EMC7: variants seen among roughly 807,000 people sequenced by gnomAD.
EMC7 encodes ER membrane protein complex subunit 7.
Under a neutral mutation model 24.4 loss-of-function variants are expected in EMC7, and 4 were observed. The ratio of observed to expected loss-of-function variants is 0.16; its 90% CI spans 0.08 to 0.38. The LOEUF (loss-of-function observed/expected upper bound fraction) is 0.38. Among genes scored for constraint, EMC7 ranks in the 10% least tolerant of loss-of-function variants. The pLI, the probability that EMC7 is intolerant of heterozygous loss-of-function variation, is 1.00. For synonymous variants in EMC7, 106 were observed against 112.0 expected (o/e 0.95, Z 0.34); for missense variants, 221 against 300.6 (o/e 0.74, Z 1.96).
chr15:34,093,235 C>T (rs886835249), intron 2 of EMC7, among the ~76,000 whole-genome samples: 12 of 152,028 alleles, frequency 7.9e-5, no homozygotes, highest in African/African-American at 2.7e-4. Flanking sequence ...GTCAAGAGAT[C>T]GAAACCATCC....
intron 1 of EMC7, among the ~76,000 whole-genome samples, chr15:34,099,098 G>A (rs868646582): frequency 8.1e-5 from 9 of 111,640 alleles, no homozygotes; most frequent in Middle Eastern, 4.1e-3. Flanking sequence ...AATCAATAAT[G>A]GTAATGTGGT....
intron 3 of EMC7, 71 bp from the exon 4 acceptor site, chr15:34,088,204 A>G: frequency 7.9e-7 from 1 of 1,261,354 alleles, no homozygotes; most frequent in East Asian, 2.4e-5. Flanking sequence ...ACTGCACTTA[A>G]CAACCAATGG....
At chr15:34,099,961 C>T (rs1430523331) in intron 1 of EMC7, among the ~76,000 whole-genome samples, 1 of 152,104 alleles carries the variant, frequency 6.6e-6, no homozygotes, top group African/African-American at 2.4e-5. Flanking sequence ...AAAAGCTGTT[C>T]AAAAATATTA....
At chr15:34,095,780 T>C (rs1901054897) in intron 2 of EMC7, 115 bp downstream of exon 2, 6 of 981,676 alleles carry the variant, frequency 6.1e-6, no homozygotes, top group South Asian at 2.9e-5. Context: ...TTTTAAGGAA[T>C]AGCTGTAGTT....
Position 34,095,931 on chromosome 15 carries a change from G to A in EMC7, c.320C>T (p.Pro107Leu), listed in dbSNP as rs1348414728. ...EVVSPAYRFD[P>L]VRVDITSKGK... ...TTTCGAAGTGATATCCACTCGAACGGGATCAAATCTGTAAGCTGGAGATAC... is the reference window on the plus strand; with the variant it reads ...TTTCGAAGTGATATCCACTCGAACGAGATCAAATCTGTAAGCTGGAGATAC... Residue 107 changes from proline (P) to leucine (L), a missense_variant, in exon 2 of 5, where the codon CCC becomes CTC. Physicochemically the swap from Pro to Leu is moderately conservative, Grantham distance 98. Transcript: ENST00000256545. The A allele has an allele frequency of 2.5e-6, 4 of 1,609,852 alleles. No homozygotes were observed. Among genetic ancestry groups the A allele is most frequent in the African/African-American group, 1.3e-5 (1 of 74,866 alleles).
chr15:34,087,532 G>A (rs1490332478), intron 4 of EMC7, among the ~76,000 whole-genome samples: 1 of 152,122 alleles, frequency 6.6e-6, no homozygotes, highest in African/African-American at 2.4e-5. Context: ...AGAGAGTTTT[G>A]TAAAGTAAAG....
At chr15:34,087,370 C>T (rs1442520493) in intron 4 of EMC7, among the ~76,000 whole-genome samples, 2 of 152,140 alleles carry the variant, frequency 1.3e-5, no homozygotes, top group African/African-American at 4.8e-5. Context: ...AATGTGGTGG[C>T]ACTAAATTGG....
intron 1 of EMC7, among the ~76,000 whole-genome samples, chr15:34,097,155 T>A (rs1297750993): frequency 3.3e-5 from 5 of 149,618 alleles, no homozygotes; most frequent in African/African-American, 1.2e-4. Flanking sequence ...TTCCTCAGTC[T>A]CCCGAGTAGC....
intron 4 of EMC7, chr15:34,086,039 G>A: frequency 3.3e-6 from 1 of 302,554 alleles, no homozygotes; most frequent in South Asian, 3.4e-5. Flanking sequence ...GGTAACATTT[G>A]TTGCAGATCA....
At chr15:34,098,846 A>G (rs1901129882) in intron 1 of EMC7, among the ~76,000 whole-genome samples, 1 of 152,172 alleles carries the variant, frequency 6.6e-6, no homozygotes, top group Admixed American at 6.6e-5. Context: ...AAATAATATC[A>G]GAAATAATTA....
intron 1 of EMC7, among the ~76,000 whole-genome samples, chr15:34,097,243 C>T (rs1901089711): frequency 6.6e-6 from 1 of 152,048 alleles, no homozygotes; most frequent in African/African-American, 2.4e-5. Flanking sequence ...CCGTGTTAGC[C>T]AGAATGGTCT....
chr15:34,090,428 T>C lies in EMC7; in HGVS notation c.384A>G (p.Thr128=), dbSNP rs760533840. 21 of 1,613,576 alleles carry C rather than the reference T, an allele frequency of 1.3e-5. No individual in the cohort carries two copies. In the Admixed American group the frequency reaches 2.2e-4, roughly 17 times the overall value. The change falls in exon 3 of 5, where the codon ACA becomes ACG. Residue 128 remains threonine, a synonymous_variant. Coordinates refer to ENST00000256545, the MANE Select transcript of EMC7 (RefSeq NM_020154.3). ...MRARYVNYIK[T]SEVVRLPYPL... ...GATAGGGCAGTCTGACAACCTCTGATGTTTTGATGTAATTCACATATCTTG... is the reference window on the plus strand; with the variant it reads ...GATAGGGCAGTCTGACAACCTCTGACGTTTTGATGTAATTCACATATCTTG...
chr15:34,095,459 T>C (rs1901049871), intron 2 of EMC7, among the ~76,000 whole-genome samples: 1 of 152,122 alleles, frequency 6.6e-6, no homozygotes. Context: ...AAAGATTCCA[T>C]AAAGAAAGGA....
chr15:34,093,135 A>C (rs933634742), intron 2 of EMC7, among the ~76,000 whole-genome samples: 2 of 152,166 alleles, frequency 1.3e-5, no homozygotes, highest in African/African-American at 4.8e-5. Flanking sequence ...CACCATGGTA[A>C]AGTCAAAAAA....
Position 34,101,692 on chromosome 15 carries a change from G to A in EMC7, c.148C>T (p.Arg50Cys). ...GIGDRFKIEG[R>C]AVVPGVKPQD... ...GGCTTCACCCCTGGAACAACTGCAC[G>A]CCCCTCAATCTTGAAGCGATCTCCT... The change falls in exon 1 of 5, where the codon CGT becomes TGT. Residue 50 changes from arginine to cysteine, a missense_variant. By Grantham distance (180) the Arg-to-Cys change is radical (BLOSUM62 -3). This residue lies in a region of EMC7 where 156 missense variants were observed against 177.1 expected (regional missense o/e 0.88). Transcript: ENST00000256545. 6.2e-7 allele frequency: 1 copy of A among 1,613,340 alleles called. No homozygotes were observed. Among genetic ancestry groups the A allele is most frequent in the Non-Finnish European group, 8.5e-7 (1 of 1,179,882 alleles).
At chr15:34,092,512 C>T (rs1240054327) in intron 2 of EMC7, among the ~76,000 whole-genome samples, 1 of 151,954 alleles carries the variant, frequency 6.6e-6, no homozygotes, top group Non-Finnish European at 1.5e-5. Context: ...CCATGTCCAG[C>T]TAATTTTTGT....
chr15:34,092,098 C>G (rs1222542354), intron 2 of EMC7, among the ~76,000 whole-genome samples: 1 of 151,984 alleles, frequency 6.6e-6, no homozygotes, highest in Admixed American at 6.6e-5. Context: ...AAACCTGTCT[C>G]CACTAAAAAT....
At chr15:34,098,826 A>G (rs1901129464) in intron 1 of EMC7, among the ~76,000 whole-genome samples, 1 of 152,088 alleles carries the variant, frequency 6.6e-6, no homozygotes, top group African/African-American at 2.4e-5. Flanking sequence ...AACTGATGAC[A>G]GTGGAACACA....
intron 1 of EMC7, 23 bp from the exon 2 acceptor site, chr15:34,096,037 T>C (rs1329003568): frequency 1.5e-5 from 22 of 1,512,282 alleles, no homozygotes; most frequent in East Asian, 2.3e-5. Flanking sequence ...AAATCATGTT[T>C]AGCTACTACT....
Sources: allele counts gnomAD v4.1 joint callset (sites outside exome capture counted in the v4.1 genomes callset), GRCh38; gene constraint gnomAD v4.1.1; regional missense constraint gnomAD v4.1.1; transcripts MANE v1.5; gene names NCBI Gene and HGNC (gene_info 2026-07-23, HGNC 2026-07-21).